THRB: variants seen among roughly 807,000 people sequenced by gnomAD.
THRB encodes the protein thyroid hormone receptor beta, also known as nuclear receptor subfamily 1 group A member 2.
THRB carries 12 observed loss-of-function variants against 47.8 expected under a neutral mutation model. The observed-to-expected ratio is 0.25, with a 90% confidence interval of 0.16 to 0.41. THRB has a LOEUF of 0.41. Ranked by LOEUF, THRB falls within the 10% of genes least tolerant of loss-of-function variation. THRB has a pLI of 1.00. For missense variants in THRB, 348 were observed against 589.2 expected, an observed-to-expected ratio of 0.59 and a Z score of 4.24; for synonymous variants, 218 against 212.2, an observed-to-expected ratio of 1.03 and a Z score of -0.24.
chr3:24,157,622 T>A (rs2038062994), intron 5 of THRB, among the ~76,000 whole-genome samples: 1 of 152,180 alleles, frequency 6.6e-6, no homozygotes, highest in Non-Finnish European at 1.5e-5. Flanking sequence ...CTTGAACTCC[T>A]GGGCCCAAGC....
At chr3:24,239,875 T>C (rs2049302652) in intron 3 of THRB, among the ~76,000 whole-genome samples, 1 of 152,122 alleles carries the variant, frequency 6.6e-6, no homozygotes, top group Non-Finnish European at 1.5e-5. Flanking sequence ...ACTCTTAGTG[T>C]TTCAGTAATA....
chr3:24,269,079 A>G (rs146241225), intron 3 of THRB, among the ~76,000 whole-genome samples: 2 of 152,172 alleles, frequency 1.3e-5, no homozygotes, highest in African/African-American at 4.8e-5. Flanking sequence ...ATATCAACAT[A>G]TTGCTTCATG....
chr3:24,361,162 T>A (rs1005229819), intron 1 of THRB, among the ~76,000 whole-genome samples: 1 of 152,206 alleles, frequency 6.6e-6, no homozygotes, highest in South Asian at 2.1e-4. Flanking sequence ...CTGCTGGTCA[T>A]GTGTGCCTGC....
intron 3 of THRB, among the ~76,000 whole-genome samples, chr3:24,239,848 C>G (rs1000623964): frequency 5.9e-5 from 9 of 152,154 alleles, no homozygotes; most frequent in Non-Finnish European, 1.2e-4. Context: ...AGATTCCCAA[C>G]TTTCTCAGTG....
At chr3:24,147,151 C>T (rs1245831351) in intron 6 of THRB, among the ~76,000 whole-genome samples, 1 of 151,770 alleles carries the variant, frequency 6.6e-6, no homozygotes, top group African/African-American at 2.4e-5. Flanking sequence ...TGTTCTATTT[C>T]ATATACTGAC....
upstream of THRB, chr3:24,495,140 C>G (rs1698849067): frequency 2.6e-5 from 4 of 152,224 alleles, no homozygotes; most frequent in Non-Finnish European, 1.5e-5. Context: ...TACTCCGGGC[C>G]CGGGGCGCCT....
intron 3 of THRB, among the ~76,000 whole-genome samples, chr3:24,256,816 G>A (rs780495979): frequency 6.6e-6 from 1 of 152,214 alleles, no homozygotes; most frequent in Non-Finnish European, 1.5e-5. Flanking sequence ...ATGTTAGAGG[G>A]TTATGGAAGA....
intron 3 of THRB, among the ~76,000 whole-genome samples, chr3:24,264,884 G>A (rs1021474801): frequency 6.6e-6 from 1 of 152,044 alleles, no homozygotes; most frequent in African/African-American, 2.4e-5. Flanking sequence ...GAGGGCCCCA[G>A]AACCGTAGGT....
chr3:24,422,229 TCA>T (rs765056635), intron 1 of THRB, among the ~76,000 whole-genome samples: 4 of 151,968 alleles, frequency 2.6e-5, no homozygotes, highest in Non-Finnish European at 5.9e-5. Flanking sequence ...TGCTATGTTA[TCA>T]CAGTTTCCAT....
At chr3:24,454,593 A>G (rs2072990903) in intron 1 of THRB, among the ~76,000 whole-genome samples, 1 of 152,230 alleles carries the variant, frequency 6.6e-6, no homozygotes, top group African/African-American at 2.4e-5. Flanking sequence ...TTTGGCATTT[A>G]CAAGGCAGGT....
intron 5 of THRB, among the ~76,000 whole-genome samples, chr3:24,182,048 A>G (rs113752504): frequency 5.3e-5 from 8 of 152,152 alleles, no homozygotes; most frequent in Non-Finnish European, 1.2e-4. Context: ...AAAAATACAA[A>G]AAGTTAGCCG....
At chr3:24,269,335 C>T (rs2053016660) in intron 3 of THRB, among the ~76,000 whole-genome samples, 1 of 138,182 alleles carries the variant, frequency 7.2e-6, no homozygotes, top group African/African-American at 2.8e-5. Flanking sequence ...TATCTTTGCT[C>T]TGTTGTCCAG....
At chr3:24,305,225 A>G (rs1419889926) in intron 2 of THRB, among the ~76,000 whole-genome samples, 1 of 152,218 alleles carries the variant, frequency 6.6e-6, no homozygotes, top group African/African-American at 2.4e-5. Flanking sequence ...CTTGTTAGAA[A>G]GGCAGATTAT....
chr3:24,202,172 G>C (rs2044670025), intron 4 of THRB, among the ~76,000 whole-genome samples: 1 of 152,290 alleles, frequency 6.6e-6, no homozygotes, highest in East Asian at 1.9e-4. Flanking sequence ...AAATTCCATG[G>C]GCTGAAATAT....
At position 24,325,486 on chromosome 3, in the gene THRB, A is replaced by G. The variant is rs547680885; in HGVS notation, c.-189+11814T>C. 2.6e-5 allele frequency among the ~76,000 whole-genome samples: 4 copies of G among 152,350 alleles called. No homozygotes were observed. The East Asian group carries it at 7.7e-4, about 29-fold the overall frequency. On this transcript the variant is annotated intron_variant, in intron 2 of 10. Coordinates refer to ENST00000646209, the MANE Select transcript of THRB (RefSeq NM_001354712.2). ...TGGATCACCTAAGGTCAGGAGTTCGAGATCAGCCTGGCCAACAGGGCAAAA... is the reference window on the plus strand; with the variant it reads ...TGGATCACCTAAGGTCAGGAGTTCGGGATCAGCCTGGCCAACAGGGCAAAA...
chr3:24,386,641 C>T (rs1045312346), intron 1 of THRB, among the ~76,000 whole-genome samples: 3 of 152,076 alleles, frequency 2.0e-5, no homozygotes, highest in Non-Finnish European at 4.4e-5. Context: ...AAAACAGTTC[C>T]CTTCAGTTTG....
intron 10 of THRB, among the ~76,000 whole-genome samples, chr3:24,127,183 C>G (rs2033003364): frequency 6.6e-6 from 1 of 152,190 alleles, no homozygotes; most frequent in African/African-American, 2.4e-5. Flanking sequence ...CTGGCATACC[C>G]CAAACCAGAA....
At chr3:24,267,517 T>G (rs556517009) in intron 3 of THRB, among the ~76,000 whole-genome samples, 10 of 152,304 alleles carry the variant, frequency 6.6e-5, no homozygotes, top group Admixed American at 2.0e-4. Flanking sequence ...GGCTCATCTA[T>G]GCACTTCCTT....
chr3:24,442,109 T>C (rs1222043769), intron 1 of THRB, among the ~76,000 whole-genome samples: 1 of 152,184 alleles, frequency 6.6e-6, no homozygotes, highest in Admixed American at 6.6e-5. Context: ...TGGAAAGCCC[T>C]CCAAACATTA....
Sources: gnomAD v4.1 joint callset for allele counts (sites outside exome capture counted in the v4.1 genomes callset) on GRCh38, gnomAD v4.1.1 for gene constraint, MANE v1.5 for transcripts, NCBI Gene and HGNC (gene_info 2026-07-23, HGNC 2026-07-21) for gene names.